The following PDE7B variants were observed in gnomAD, a reference collection of about 807,000 sequenced individuals.
PDE7B encodes the protein 3',5'-cyclic-AMP phosphodiesterase 7B.
In PDE7B, 29 loss-of-function variants were observed where a neutral mutation model predicts 56.2. That is an observed-to-expected ratio of 0.52 (90% CI 0.38 to 0.70). The LOEUF (loss-of-function observed/expected upper bound fraction) is 0.70, where lower values mean the gene tolerates loss of function less well. Ranked by LOEUF, PDE7B falls within the 30% of genes least tolerant of loss-of-function variation. The pLI is 0.00. For missense variants in PDE7B, 490 were observed against 565.0 expected (o/e 0.87, Z 1.35); for synonymous variants, 197 against 196.9 (o/e 1.00, Z 0.00).
intron 2 of PDE7B, among the ~76,000 whole-genome samples, chr6:136,099,602 T>C (rs1364172368): frequency 6.6e-6 from 1 of 152,228 alleles, no homozygotes; most frequent in African/African-American, 2.4e-5. Context: ...TCATATCCTT[T>C]GTCCACTTTT....
chr6:135,948,379 A>G (rs184075143), intron 2 of PDE7B, among the ~76,000 whole-genome samples: 6 of 152,142 alleles, frequency 3.9e-5, no homozygotes, highest in Admixed American at 2.6e-4. Flanking sequence ...ACCTTGAACT[A>G]TATTAATAAG....
chr6:136,098,570 C>T (rs1777508880), intron 2 of PDE7B, among the ~76,000 whole-genome samples: 2 of 152,082 alleles, frequency 1.3e-5, no homozygotes, highest in Admixed American at 6.6e-5. Flanking sequence ...TTCCAAGTTA[C>T]TTATCCATAT....
At position 135,893,394 on chromosome 6, in the gene PDE7B, G is replaced by T. The variant is rs12662694; in HGVS notation, c.21+41375G>T. On this transcript the variant is annotated intron_variant, in intron 1 of 12. Transcript: ENST00000308191. Reference sequence around the variant, plus strand: ...TCATCCATGTCCCTACAAAGGACATGAACTCATCATTTTTTATGGCTGCAT... The same window carrying T: ...TCATCCATGTCCCTACAAAGGACATTAACTCATCATTTTTTATGGCTGCAT... 6.6e-4 allele frequency among the ~76,000 whole-genome samples: 100 copies of T among 152,126 alleles called. 2 individuals are homozygous for T. In the East Asian group the frequency reaches 0.016, roughly 24 times the overall value.
intron 2 of PDE7B, among the ~76,000 whole-genome samples, chr6:136,001,401 C>T (rs1353944590): frequency 2.6e-5 from 4 of 152,144 alleles, no homozygotes; most frequent in South Asian, 2.1e-4. Flanking sequence ...CAAACTACTC[C>T]GGGCTACAGG....
intron 3 of PDE7B, among the ~76,000 whole-genome samples, chr6:136,109,949 T>C (rs1777714147): frequency 6.6e-6 from 1 of 152,172 alleles, no homozygotes. Context: ...TTGACATAAA[T>C]AAGCTCAGCT....
At chr6:136,023,552 A>G (rs1776104813) in intron 2 of PDE7B, among the ~76,000 whole-genome samples, 1 of 152,148 alleles carries the variant, frequency 6.6e-6, no homozygotes, top group African/African-American at 2.4e-5. Context: ...GTGACTCCAT[A>G]ATGATGGCTC....
chr6:136,056,649 A>G (rs1350742670), intron 2 of PDE7B, among the ~76,000 whole-genome samples: 1 of 144,814 alleles, frequency 6.9e-6, no homozygotes, highest in East Asian at 2.1e-4. Flanking sequence ...CTCCTGCCAC[A>G]GCCTCCCAAA....
At chr6:136,190,025 T>TTAAC (rs1433005931) in intron 12 of PDE7B, among the ~76,000 whole-genome samples, 1 of 152,212 alleles carries the variant, frequency 6.6e-6, no homozygotes, top group African/African-American at 2.4e-5. Flanking sequence ...TGTTGGATAT[T>TTAAC]TAACTTTTTT....
At chr6:136,005,400 C>T (rs1340601950) in intron 2 of PDE7B, among the ~76,000 whole-genome samples, 2 of 152,004 alleles carry the variant, frequency 1.3e-5, no homozygotes, top group Non-Finnish European at 2.9e-5. Context: ...AAGAAACTAC[C>T]ATCAGAGTGA....
chr6:135,957,637 G>A (rs1011499039), intron 2 of PDE7B, among the ~76,000 whole-genome samples: 3 of 152,062 alleles, frequency 2.0e-5, no homozygotes, highest in African/African-American at 7.2e-5. Flanking sequence ...TGCACATTCC[G>A]GGTAATAGGT....
chr6:135,868,849 T>C (rs1457913170), intron 1 of PDE7B, among the ~76,000 whole-genome samples: 3 of 152,226 alleles, frequency 2.0e-5, no homozygotes, highest in Non-Finnish European at 4.4e-5. Context: ...TTTTACATTG[T>C]CTTGTTTAGT....
chr6:136,038,356 T>C (rs1029960578), intron 2 of PDE7B: 9 of 1,291,836 alleles, frequency 7.0e-6, no homozygotes, highest in Admixed American at 4.6e-5. Context: ...GCCCAGAAGG[T>C]GTGCTGCCCT....
At position 136,173,289 on chromosome 6, in the gene PDE7B, T is replaced by G. The variant is rs370455889; in HGVS notation, c.712-508T>G. ...TACAGTAACCAAAACAGCATGGTAC[T>G]GGTACCAAAACAGAGATATAGATCA... On this transcript the variant is annotated intron_variant, in intron 8 of 12. Transcript: ENST00000308191. Among the ~76,000 whole-genome samples, 215 of 152,308 alleles carry G rather than the reference T, an allele frequency of 1.4e-3. 7 individuals are homozygous for G. In the South Asian group the frequency reaches 0.042, roughly 30 times the overall value.
At chr6:136,162,592 C>A (rs1778724667) in intron 8 of PDE7B, among the ~76,000 whole-genome samples, 1 of 152,180 alleles carries the variant, frequency 6.6e-6, no homozygotes, top group South Asian at 2.1e-4. Context: ...AAAACACAGT[C>A]ATGCCTTTCC....
intron 2 of PDE7B, among the ~76,000 whole-genome samples, chr6:135,956,837 GAAGAAAGA>G (rs370997257): frequency 1.3e-5 from 2 of 150,048 alleles, no homozygotes; most frequent in Non-Finnish European, 3.0e-5. Context: ...AAAGAGAAAG[GAAGAAAGA>G]AAGAAAGAAG....
chr6:136,078,287 G>A (rs958955070), intron 2 of PDE7B, among the ~76,000 whole-genome samples: 2 of 152,158 alleles, frequency 1.3e-5, no homozygotes, highest in Non-Finnish European at 2.9e-5. Context: ...TCTTTGGATA[G>A]GTATTTGATG....
chr6:136,094,211 T>TAATC (rs1443691763), intron 2 of PDE7B: 1 of 152,242 alleles, frequency 6.6e-6, no homozygotes, highest in African/African-American at 2.4e-5. Flanking sequence ...CCTCAAGACT[T>TAATC]AATCACTTCC....
intron 11 of PDE7B, among the ~76,000 whole-genome samples, chr6:136,186,474 C>T (rs1779147589): frequency 6.6e-6 from 1 of 151,854 alleles, no homozygotes; most frequent in South Asian, 2.1e-4. Flanking sequence ...CTTTTTTTCA[C>T]CTTCAGTTGC....
chr6:136,000,567 G>A (rs1775647510), intron 2 of PDE7B, among the ~76,000 whole-genome samples: 1 of 152,062 alleles, frequency 6.6e-6, no homozygotes, highest in Admixed American at 6.6e-5. Context: ...AAGGTGTATG[G>A]CCTTATTTCT....
Sources: allele counts gnomAD v4.1 joint callset (sites outside exome capture counted in the v4.1 genomes callset), GRCh38; gene constraint gnomAD v4.1.1; transcripts MANE v1.5; gene names NCBI Gene and HGNC (gene_info 2026-07-23, HGNC 2026-07-21).